Variants in CNTNAP2 observed in about 807,000 individuals in gnomAD.
CNTNAP2 encodes the protein contactin associated protein 2.
A neutral mutation model predicts 155.2 loss-of-function variants in CNTNAP2; 98 were observed. The observed-to-expected ratio is 0.63, with a 90% CI of 0.54 to 0.75. The LOEUF is 0.75. Ranked by LOEUF, CNTNAP2 falls within the 30% of genes least tolerant of loss-of-function variation. The pLI is 0.00. For synonymous variants in CNTNAP2, 651 were observed against 631.2 expected (o/e 1.03, Z -0.47); for missense variants, 1,727 against 1,688.1 (o/e 1.02, Z -0.40).
intron 13 of CNTNAP2, among the ~76,000 whole-genome samples, chr7:147,673,446 C>T (rs78305723): frequency 0.052 from 7,872 of 152,168 alleles, 271 homozygotes; most frequent in Middle Eastern, 0.12. Context: ...TAATTATCCA[C>T]GGAGAGGGAA....
intron 3 of CNTNAP2, among the ~76,000 whole-genome samples, chr7:146,931,255 T>A (rs560851245): frequency 2.0e-5 from 3 of 152,214 alleles, no homozygotes; most frequent in South Asian, 2.1e-4. Context: ...CACAGTGCAA[T>A]CAAACCAGAA....
intron 9 of CNTNAP2, among the ~76,000 whole-genome samples, chr7:147,352,101 G>A (rs74812784): frequency 0.015 from 2,349 of 152,028 alleles, 61 homozygotes; most frequent in African/African-American, 0.054. Context: ...AGGTTAATGT[G>A]TATTTCATCC....
At chr7:147,933,518 TAGATAGA>T (rs1800546804) in intron 14 of CNTNAP2, among the ~76,000 whole-genome samples, 1 of 151,570 alleles carries the variant, frequency 6.6e-6, no homozygotes, top group African/African-American at 2.4e-5. Flanking sequence ...GATAGATAGA[TAGATAGA>T]TAGATAGATA....
rs149806145 is a variant in CNTNAP2 at position 147,955,792 on chromosome 7, C to T, written c.2256-22070C>T. Among the ~76,000 whole-genome samples the T allele has an allele frequency of 1.8e-4, 28 of 152,206 alleles. 2 individuals are homozygous for T. The highest frequency in any genetic ancestry group is 1.3e-3 in the Admixed American group (20 of 15,278). ...GATATGGACAAAAGAGCAAAAGCGC[C>T]GTGCACATATCTTGAGATGCAGGTT... On this transcript the variant is annotated intron_variant, in intron 14 of 23. Transcript: ENST00000361727.
At chr7:147,638,485 A>G (rs1320053934) in intron 12 of CNTNAP2, among the ~76,000 whole-genome samples, 1 of 152,228 alleles carries the variant, frequency 6.6e-6, no homozygotes, top group East Asian at 1.9e-4. Context: ...TATCTATTTT[A>G]TATCTGCTTC....
chr7:148,028,603 T>G (rs1455229306), intron 15 of CNTNAP2, among the ~76,000 whole-genome samples: 1 of 152,198 alleles, frequency 6.6e-6, no homozygotes, highest in Non-Finnish European at 1.5e-5. Flanking sequence ...TGTATACTTC[T>G]CAGTGTAGAA....
intron 1 of CNTNAP2, among the ~76,000 whole-genome samples, chr7:146,392,771 G>A (rs1184501541): frequency 1.3e-5 from 2 of 152,078 alleles, no homozygotes; most frequent in African/African-American, 4.8e-5. Flanking sequence ...AAGAAGGAAT[G>A]AGTTTGGGAA....
intron 9 of CNTNAP2, among the ~76,000 whole-genome samples, chr7:147,318,462 A>T (rs1388810298): frequency 2.0e-5 from 3 of 152,134 alleles, no homozygotes; most frequent in Non-Finnish European, 4.4e-5. Context: ...AAAGACAAAA[A>T]TTATAAGACA....
At chr7:147,839,578 T>A (rs1204170572) in intron 13 of CNTNAP2, among the ~76,000 whole-genome samples, 1 of 152,164 alleles carries the variant, frequency 6.6e-6, no homozygotes, top group African/African-American at 2.4e-5. Context: ...TTTCACAGAA[T>A]AATTCTTTGT....
intron 1 of CNTNAP2, among the ~76,000 whole-genome samples, chr7:146,355,236 T>G (rs186976058): frequency 6.6e-6 from 1 of 152,312 alleles, no homozygotes; most frequent in Non-Finnish European, 1.5e-5. Flanking sequence ...AATTTACATA[T>G]CAAAAACTTG....
chr7:147,008,210 G>A (rs1231760571), intron 3 of CNTNAP2, among the ~76,000 whole-genome samples: 1 of 151,994 alleles, frequency 6.6e-6, no homozygotes, highest in Non-Finnish European at 1.5e-5. Flanking sequence ...GTTAATCCTG[G>A]TTATAAGCGT....
At chr7:147,350,337 A>G (rs1795947627) in intron 9 of CNTNAP2, among the ~76,000 whole-genome samples, 1 of 151,884 alleles carries the variant, frequency 6.6e-6, no homozygotes, top group Non-Finnish European at 1.5e-5. Context: ...GAAATAGTTT[A>G]TGTTGTATTA....
At chr7:146,829,049 C>A (rs1479925906) in intron 2 of CNTNAP2, among the ~76,000 whole-genome samples, 1 of 151,960 alleles carries the variant, frequency 6.6e-6, no homozygotes, top group African/African-American at 2.4e-5. Flanking sequence ...CTCTTATAAT[C>A]TTAGGGTAAT....
chr7:147,589,048 A>G (rs536761391), intron 12 of CNTNAP2, among the ~76,000 whole-genome samples: 92 of 152,314 alleles, frequency 6.0e-4, no homozygotes, highest in Middle Eastern at 3.4e-3. Context: ...TAAATGATCA[A>G]TTTATTTCTG....
At chr7:148,235,650 C>A (rs1458321465) in intron 20 of CNTNAP2, among the ~76,000 whole-genome samples, 2 of 151,258 alleles carry the variant, frequency 1.3e-5, no homozygotes, top group Admixed American at 1.3e-4. Flanking sequence ...GAATTATGTG[C>A]CGGATAATGT....
In CNTNAP2 at chr7:146,132,678, T is replaced by C. The variant is rs570075637; in HGVS notation, c.97+15705T>C. ...AGAATATGCGGTGTTTGGTTTTTTG[T>C]TCTTGCGATAGTTTACTGAGAATGT... On this transcript the variant is annotated intron_variant, in intron 1 of 23. Transcript: ENST00000361727. Among the ~76,000 whole-genome samples, 818 of 151,578 alleles carry C rather than the reference T, an allele frequency of 5.4e-3. 8 individuals carry two copies. Among genetic ancestry groups the C allele is most frequent in the African/African-American group, 0.018 (763 of 41,318 alleles).
At chr7:147,910,952 A>C (rs1294337274) in intron 14 of CNTNAP2, among the ~76,000 whole-genome samples, 1 of 152,142 alleles carries the variant, frequency 6.6e-6, no homozygotes, top group Non-Finnish European at 1.5e-5. Flanking sequence ...AATTTTTATT[A>C]TGGTAAATAC....
chr7:146,759,494 C>T (rs1186271065), intron 1 of CNTNAP2, among the ~76,000 whole-genome samples: 2 of 151,830 alleles, frequency 1.3e-5, no homozygotes, highest in Admixed American at 6.6e-5. Context: ...GAGATCAAGA[C>T]CATCCTGGCC....
intron 8 of CNTNAP2, among the ~76,000 whole-genome samples, chr7:147,278,773 ATTAT>A (rs1309148861): frequency 6.6e-6 from 1 of 151,440 alleles, no homozygotes; most frequent in Admixed American, 6.6e-5. Context: ...ATCCCTTATA[ATTAT>A]TTAAAATTAT....
Sources: gnomAD v4.1 joint callset for allele counts (sites outside exome capture counted in the v4.1 genomes callset) on GRCh38, gnomAD v4.1.1 for gene constraint, MANE v1.5 for transcripts, NCBI Gene and HGNC (gene_info 2026-07-23, HGNC 2026-07-21) for gene names.